The following IL11 variants were observed in gnomAD, a reference collection of about 807,000 sequenced individuals.
IL11 encodes the protein interleukin 11.
IL11 carries 17 observed loss-of-function variants against 18.1 expected under a neutral mutation model. The observed-to-expected ratio is 0.94, with a 90% CI of 0.64 to 1.41. The LOEUF (loss-of-function observed/expected upper bound fraction) is 1.41, where lower values mean the gene tolerates loss of function less well. Among genes scored for constraint, IL11 ranks in the 40% most tolerant of loss-of-function variants. The pLI is 0.00. For synonymous variants in IL11, 144 were observed against 134.1 expected (o/e 1.07, Z -0.51); for missense variants, 309 against 262.8 (o/e 1.18, Z -1.22).
Position 55,366,443 on chromosome 19 carries a change from A to G in IL11, c.430-266T>C, listed in dbSNP as rs1368311903. ...CTGGCATCTCGGTTCTAGGTGAGGG[A>G]TCGGGCCTGGGACTGTTAGAGTCGC... On this transcript the variant is annotated intron_variant, in intron 4 of 4. Coordinates refer to ENST00000264563, the MANE Select transcript of IL11 (RefSeq NM_000641.4). This position sits in a 1 kb window ranked among gnomAD's most constrained non-coding sequence, Gnocchi z 4.6. 6.6e-6 allele frequency among the ~76,000 whole-genome samples: 1 copy of G among 151,800 alleles called. No individual in the cohort carries two copies. The highest frequency in any genetic ancestry group is 1.9e-4 in the East Asian group (1 of 5,176).
At chr19:55,368,659 T>G (rs2089801730) in intron 2 of IL11, 90 bp from the exon 3 acceptor site, 2 of 1,468,104 alleles carry the variant, frequency 1.4e-6, no homozygotes, top group Admixed American at 2.0e-5. Context: ...TTCCCCTCCC[T>G]CACTCTGCCA....
rs2089773627 is a variant in IL11 at position 55,364,593 on chromosome 19, A to C, written c.*1414T>G. Reference sequence around the variant, plus strand: ...GTTTTAATCCATATATAGAAAGAAAAACACAAAATTGGGATCACAGCATGC... The same window carrying C: ...GTTTTAATCCATATATAGAAAGAAACACACAAAATTGGGATCACAGCATGC... On this transcript the variant is annotated 3_prime_UTR_variant, in exon 5 of 5. Transcript: ENST00000264563. 1 of 152,172 alleles carries C rather than the reference A, an allele frequency of 6.6e-6. No individual in the cohort carries two copies. Among genetic ancestry groups the C allele is most frequent in the Non-Finnish European group, 1.5e-5 (1 of 68,034 alleles). 9.4% of individuals were successfully genotyped at this position (152,172 alleles called of 1,614,324 possible).
In IL11 at chr19:55,366,293, G is replaced by A. The variant is rs1034805175; in HGVS notation, c.430-116C>T. The A allele has an allele frequency of 1.6e-5, 18 of 1,103,814 alleles. No homozygotes were observed. The highest frequency in any genetic ancestry group is 3.3e-5 in the African/African-American group (2 of 61,066). The allele number at this position is 1,103,814 out of a possible 1,614,324, so 68.4% of individuals were successfully genotyped here. A position where few individuals can be genotyped will look rare whatever the true frequency, so the allele number is the denominator to read the frequency against. On this transcript the variant is annotated intron_variant, in intron 4 of 4. Coordinates refer to ENST00000264563, the MANE Select transcript of IL11 (RefSeq NM_000641.4). The surrounding 1 kb of genome is among the most constrained non-coding windows in gnomAD (Gnocchi z 4.6). ...TGCATATTCACAGGGGGACTGTGGC[G>A]CGTGGGGTGAAGTGTTTAGGCCGGG...
rs1000519792 is a variant in IL11 at position 55,369,100 on chromosome 19, G to A, written c.8-159C>T. On this transcript the variant is annotated intron_variant, in intron 1 of 4. Transcript: ENST00000264563. The surrounding 1 kb of genome is among the most constrained non-coding windows in gnomAD (Gnocchi z 6.1). The stretch of plus-strand genomic sequence containing the variant: ...TGGGGGCCTGGACTCCTAGGTCTGA[G>A]GGAGGAAGGCCTGGGGTCTGGACTC... 13 of 602,854 alleles carry A rather than the reference G, an allele frequency of 2.2e-5. No homozygotes were observed. The Admixed American group carries it at 2.4e-4, about 11-fold the overall frequency. The allele number at this position is 602,854 out of a possible 1,614,324, so 37.3% of individuals were successfully genotyped here. A position where few individuals can be genotyped will look rare whatever the true frequency, so the allele number is the denominator to read the frequency against.
At chr19:55,370,278 T>C in intron 1 of IL11, 26 bp downstream of exon 1, 1 of 1,493,034 alleles carries the variant, frequency 6.7e-7, no homozygotes, top group Non-Finnish European at 9.0e-7. Flanking sequence ...CCCTGTCCCC[T>C]CCACCCTCCC....
At chr19:55,370,172 T>C in intron 1 of IL11, 132 bp downstream of exon 1, 2 of 719,238 alleles carry the variant, frequency 2.8e-6, no homozygotes, top group Non-Finnish European at 5.0e-6. Context: ...TCTCCGAAGC[T>C]GCTCTCCTCC....
chr19:55,368,505 G>A lies in IL11; in HGVS notation c.245C>T (p.Ala82Val), dbSNP rs773998938. ...TACCTGTAGAGCTCCCAGTGCCCCC[G>A]CACTCATGGCCAGGGTGGGCAGGGA... ...LDSLPTLAMS[A>V]GALGALQLPG... The change falls in exon 3 of 5, where the codon GCG becomes GTG. Residue 82 changes from alanine (A) to valine (V), a missense_variant. Coordinates refer to ENST00000264563, the MANE Select transcript of IL11 (RefSeq NM_000641.4). 9 of 1,612,180 alleles carry A rather than the reference G, an allele frequency of 5.6e-6. No homozygotes were observed. The highest frequency in any genetic ancestry group is 5.0e-5 in the Admixed American group (3 of 59,788).
rs372539987 is a variant in IL11, at chr19:55,370,351, G to A, written c.-41C>T. On this transcript the variant is annotated 5_prime_UTR_variant, in exon 1 of 5. Coordinates refer to ENST00000264563, the MANE Select transcript of IL11 (RefSeq NM_000641.4). ...GGGGTTCCCCAGGGCAGGGGGCAGG[G>A]AGCCGGGGGCCTTTAACCCTTCCCT... 1,939 of 1,402,712 alleles carry A rather than the reference G, an allele frequency of 1.4e-3. 7 individuals are homozygous for A. Among genetic ancestry groups the A allele is most frequent in the Middle Eastern group, 4.8e-3 (24 of 4,976 alleles). The allele number at this position is 1,402,712 out of a possible 1,614,324, so 86.9% of individuals were successfully genotyped here. A position where few individuals can be genotyped will look rare whatever the true frequency, so the allele number is the denominator to read the frequency against.
chr19:55,367,017 T>C (rs2089790018), intron 4 of IL11, among the ~76,000 whole-genome samples: 1 of 152,090 alleles, frequency 6.6e-6, no homozygotes, highest in Non-Finnish European at 1.5e-5. Flanking sequence ...GGTCAGGCCC[T>C]GGATCTCAAG....
intron 4 of IL11, among the ~76,000 whole-genome samples, chr19:55,367,910 G>A (rs187345666): frequency 2.0e-5 from 3 of 152,160 alleles, no homozygotes; most frequent in African/African-American, 7.2e-5. Context: ...GAGTCTCAGG[G>A]TCTTGGGTGA....
In IL11 at chr19:55,369,639, G is replaced by T. The variant is rs1372177166; in HGVS notation, c.7+665C>A. On this transcript the variant is annotated intron_variant, in intron 1 of 4. Transcript: ENST00000264563. This position sits in a 1 kb window ranked among gnomAD's most constrained non-coding sequence, Gnocchi z 6.1. ...GGCGGCGGGGGGCGCGGGGGGCGCGGGGGGCGCGGGGGTCCGGAGCTCGCT... is the reference window on the plus strand; with the variant it reads ...GGCGGCGGGGGGCGCGGGGGGCGCGTGGGGCGCGGGGGTCCGGAGCTCGCT... Among the ~76,000 whole-genome samples the T allele has an allele frequency of 8.5e-6, 1 of 117,068 alleles. No homozygotes were observed. Among genetic ancestry groups the T allele is most frequent in the African/African-American group, 4.6e-5 (1 of 21,878 alleles). 76.8% of individuals were successfully genotyped at this position (117,068 alleles called of 152,430 possible).
rs2089812102 is a variant in IL11, at chr19:55,369,920, C to T, written c.7+384G>A. On this transcript the variant is annotated intron_variant, in intron 1 of 4. Transcript: ENST00000264563. This position sits in a 1 kb window ranked among gnomAD's most constrained non-coding sequence, Gnocchi z 6.1. ...CGCGGACCCTGCCTCAGTTTCCCTC[C>T]GGAGCCTCTCTGCCGGAATCCCAGG... Among the ~76,000 whole-genome samples, 1 of 152,080 alleles carries T rather than the reference C, an allele frequency of 6.6e-6. No individual in the cohort carries two copies. Among genetic ancestry groups the T allele is most frequent in the African/African-American group, 2.4e-5 (1 of 41,514 alleles).
chr19:55,365,992 G>A lies in IL11; in HGVS notation c.*15C>T. 6.3e-7 allele frequency: 1 copy of A among 1,591,030 alleles called. No individual in the cohort carries two copies. Among genetic ancestry groups the A allele is most frequent in the Non-Finnish European group, 8.5e-7 (1 of 1,169,936 alleles). ...ATCTGGCTTTGGAAGGACGGTGGTG[G>A]CTTTGGGCCCCGGGTCACAGCCGAG... On this transcript the variant is annotated 3_prime_UTR_variant, in exon 5 of 5. Coordinates refer to ENST00000264563, the MANE Select transcript of IL11 (RefSeq NM_000641.4).
chr19:55,369,418 C>T lies in IL11; in HGVS notation c.8-477G>A, dbSNP rs985676193. On this transcript the variant is annotated intron_variant, in intron 1 of 4. Coordinates refer to ENST00000264563, the MANE Select transcript of IL11 (RefSeq NM_000641.4). This position sits in a 1 kb window ranked among gnomAD's most constrained non-coding sequence, Gnocchi z 6.1. Reference sequence around the variant, plus strand: ...TGCCCCCTCCCCGGGCCGCGGGAGCCCGAGCTGGCTGGGAGCAGGGGAAGG... The same window carrying T: ...TGCCCCCTCCCCGGGCCGCGGGAGCTCGAGCTGGCTGGGAGCAGGGGAAGG... 1.2e-4 allele frequency among the ~76,000 whole-genome samples: 18 copies of T among 150,396 alleles called. No individual in the cohort carries two copies. The highest frequency in any genetic ancestry group is 4.1e-4 in the African/African-American group (17 of 40,992).
intron 2 of IL11, 93 bp from the exon 3 acceptor site, chr19:55,368,662 C>G: frequency 6.7e-7 from 1 of 1,492,378 alleles, no homozygotes; most frequent in Admixed American, 2.0e-5. Context: ...CCCTCCCTCA[C>G]TCTGCCACCT....
chr19:55,364,480 A>G lies in IL11; in HGVS notation c.*1527T>C, dbSNP rs1326139359. ...CTGTAAAATACAGACAATCATACAC[A>G]TTAAAAGTCACCCACAATCCCACCT... On this transcript the variant is annotated 3_prime_UTR_variant, in exon 5 of 5. Coordinates refer to ENST00000264563, the MANE Select transcript of IL11 (RefSeq NM_000641.4). 1 of 152,238 alleles carries G rather than the reference A, an allele frequency of 6.6e-6. No homozygotes were observed. Among genetic ancestry groups the G allele is most frequent in the Non-Finnish European group, 1.5e-5 (1 of 68,034 alleles). The allele number at this position is 152,238 out of a possible 1,614,324, so 9.4% of individuals were successfully genotyped here.
At chr19:55,370,223 G>A (rs2089814063) in intron 1 of IL11, 81 bp downstream of exon 1, 3 of 1,073,394 alleles carry the variant, frequency 2.8e-6, no homozygotes, top group Admixed American at 4.1e-5. Flanking sequence ...GCGACTCAGC[G>A]GGGTCTGCTC....
chr19:55,368,942 C>T lies in IL11; in HGVS notation c.8-1G>A. ...ACGACCAGGACCAGGCGGCAAACAC[C>T]TGGGGGCAGGATAAGGCAGAGAGCT... On this transcript the variant is annotated splice_acceptor_variant, in intron 1 of 4. Transcript: ENST00000264563. LOFTEE classifies it high-confidence loss of function. 1 of 1,505,122 alleles carries T rather than the reference C, an allele frequency of 6.6e-7. No homozygotes were observed. The allele number at this position is 1,505,122 out of a possible 1,614,324, so 93.2% of individuals were successfully genotyped here.
chr19:55,365,703 C>A lies in IL11; in HGVS notation c.*304G>T, dbSNP rs1042471807. On this transcript the variant is annotated 3_prime_UTR_variant, in exon 5 of 5. Transcript: ENST00000264563. ...TTAAATAAATAATATATGTTCCTGCCCAGGCCTAGATGGGGAAGAGCCAGG... is the reference window on the plus strand; with the variant it reads ...TTAAATAAATAATATATGTTCCTGCACAGGCCTAGATGGGGAAGAGCCAGG... 7 of 411,386 alleles carry A rather than the reference C, an allele frequency of 1.7e-5. No individual in the cohort carries two copies. In the South Asian group the frequency reaches 2.3e-4, roughly 14 times the overall value. 25.5% of individuals were successfully genotyped at this position (411,386 alleles called of 1,614,324 possible).
Sources: gnomAD v4.1 joint callset for allele counts (sites outside exome capture counted in the v4.1 genomes callset) on GRCh38, gnomAD v4.1.1 for gene constraint, Gnocchi (gnomAD v3.1) non-coding constraint, MANE v1.5 for transcripts, NCBI Gene and HGNC (gene_info 2026-07-23, HGNC 2026-07-21) for gene names.